Variants in ATP8B4 observed in about 807,000 individuals in gnomAD.
The protein encoded by ATP8B4 is ATPase phospholipid transporting 8B4 (putative).
In ATP8B4, 133 loss-of-function variants were observed where a neutral mutation model predicts 145.6. The observed-to-expected ratio is 0.91, with a 90% CI of 0.79 to 1.05. The LOEUF (loss-of-function observed/expected upper bound fraction) is 1.05, where lower values mean the gene tolerates loss of function less well. ATP8B4 is among the 50% of genes least tolerant of loss of function. ATP8B4 has a pLI of 0.00. For missense variants in ATP8B4, 1,458 were observed against 1,425.2 expected (o/e 1.02, Z -0.37); for synonymous variants, 507 against 492.9 (o/e 1.03, Z -0.38).
intron 14 of ATP8B4, among the ~76,000 whole-genome samples, chr15:49,947,207 C>T (rs12904852): frequency 0.38 from 57,667 of 151,808 alleles, 11,584 homozygotes; most frequent in African/African-American, 0.43. Context: ...CCAAGGTAGG[C>T]GGATCACGAA....
intron 23 of ATP8B4, among the ~76,000 whole-genome samples, chr15:49,888,153 C>G (rs747940832): frequency 3.3e-5 from 5 of 152,172 alleles, no homozygotes; most frequent in Non-Finnish European, 7.4e-5. Flanking sequence ...AAAACCCGCT[C>G]GCAGCATCCA....
intron 1 of ATP8B4, among the ~76,000 whole-genome samples, chr15:50,154,297 C>CT (rs1021049158): frequency 3.0e-4 from 45 of 152,194 alleles, no homozygotes; most frequent in African/African-American, 8.4e-4. Context: ...TAACCCATGA[C>CT]TTTTTTTACA....
intron 25 of ATP8B4, among the ~76,000 whole-genome samples, chr15:49,869,765 T>A (rs1419281280): frequency 6.6e-6 from 1 of 152,208 alleles, no homozygotes; most frequent in Non-Finnish European, 1.5e-5. Flanking sequence ...ACAACCAAGC[T>A]GTAAGGTGTA....
chr15:50,174,958 T>C (rs11637647), intron 1 of ATP8B4, among the ~76,000 whole-genome samples: 33,550 of 152,170 alleles, frequency 0.22, 4,508 homozygotes, highest in East Asian at 0.34. Flanking sequence ...CATAGATTCA[T>C]GGAACAGAAT....
intron 1 of ATP8B4, among the ~76,000 whole-genome samples, chr15:50,116,401 G>GTTC (rs2057161380): frequency 6.6e-6 from 1 of 152,186 alleles, no homozygotes; most frequent in Non-Finnish European, 1.5e-5. Context: ...GGAAAAGGAG[G>GTTC]AGAAGGTGGA....
intron 12 of ATP8B4, among the ~76,000 whole-genome samples, chr15:49,977,822 T>A (rs2045804688): frequency 6.6e-6 from 1 of 152,176 alleles, no homozygotes; most frequent in Admixed American, 6.6e-5. Context: ...TGATATTATT[T>A]GGAGAATAAA....
intron 23 of ATP8B4, among the ~76,000 whole-genome samples, chr15:49,885,085 A>G (rs1471863350): frequency 6.6e-6 from 1 of 152,190 alleles, no homozygotes; most frequent in African/African-American, 2.4e-5. Context: ...CAGACTCCCT[A>G]TTCGTCATGT....
At chr15:50,064,623 A>G (rs1412909546) in intron 3 of ATP8B4, among the ~76,000 whole-genome samples, 1 of 152,168 alleles carries the variant, frequency 6.6e-6, no homozygotes, top group Non-Finnish European at 1.5e-5. Context: ...TACTTTTGTA[A>G]TAAACCTGCA....
chr15:50,013,031 A>T (rs550587382), intron 6 of ATP8B4, among the ~76,000 whole-genome samples: 1 of 152,304 alleles, frequency 6.6e-6, no homozygotes, highest in South Asian at 2.1e-4. Flanking sequence ...AAATTTAAAT[A>T]ATCTATATTT....
intron 23 of ATP8B4, 111 bp from the exon 24 acceptor site, chr15:49,879,570 A>T (rs1052309380): frequency 1.2e-6 from 1 of 853,372 alleles, no homozygotes; most frequent in African/African-American, 1.7e-5. Flanking sequence ...TGACTTTTGG[A>T]ATCAGACAAA....
At chr15:50,163,746 G>T (rs1332472462) in intron 1 of ATP8B4, among the ~76,000 whole-genome samples, 1 of 152,184 alleles carries the variant, frequency 6.6e-6, no homozygotes, top group African/African-American at 2.4e-5. Flanking sequence ...CCCTCAGTGG[G>T]TCAAGATGCT....
intron 1 of ATP8B4, among the ~76,000 whole-genome samples, chr15:50,179,162 T>A (rs1486289104): frequency 6.6e-6 from 1 of 152,220 alleles, no homozygotes; most frequent in African/African-American, 2.4e-5. Flanking sequence ...TGGTCCATTT[T>A]AAAATATTTA....
At chr15:49,937,104 T>C (rs2041804694) in intron 14 of ATP8B4, among the ~76,000 whole-genome samples, 1 of 152,146 alleles carries the variant, frequency 6.6e-6, no homozygotes, top group African/African-American at 2.4e-5. Flanking sequence ...TTAGGTCATA[T>C]TTTTTACTGC....
intron 2 of ATP8B4, among the ~76,000 whole-genome samples, chr15:50,082,430 A>G (rs918783428): frequency 9.2e-5 from 14 of 152,210 alleles, no homozygotes; most frequent in African/African-American, 3.4e-4. Context: ...GAGCTTGGAA[A>G]CAAAGTTAGG....
At chr15:49,938,489 A>C (rs2041911233) in intron 14 of ATP8B4, among the ~76,000 whole-genome samples, 1 of 152,144 alleles carries the variant, frequency 6.6e-6, no homozygotes, top group Non-Finnish European at 1.5e-5. Context: ...ACTGTAAACC[A>C]ATAACAGTAA....
chr15:49,861,322 C>CT (rs1195875103), intron 27 of ATP8B4, among the ~76,000 whole-genome samples: 1 of 151,832 alleles, frequency 6.6e-6, no homozygotes, highest in Non-Finnish European at 1.5e-5. Context: ...ACAGATATGA[C>CT]AAGGGACTCC....
chr15:49,903,173 T>C (rs1304228991), intron 20 of ATP8B4, among the ~76,000 whole-genome samples: 1 of 152,232 alleles, frequency 6.6e-6, no homozygotes, highest in Non-Finnish European at 1.5e-5. Flanking sequence ...GCCCACGCTC[T>C]GTAGCTGTCA....
At chr15:49,928,364 A>G (rs753374767) in intron 16 of ATP8B4, among the ~76,000 whole-genome samples, 14 of 152,142 alleles carry the variant, frequency 9.2e-5, no homozygotes, top group Non-Finnish European at 1.6e-4. Flanking sequence ...GGAAAGGAGT[A>G]TTCAAGACAG....
intron 20 of ATP8B4, among the ~76,000 whole-genome samples, chr15:49,905,794 C>A (rs1352142172): frequency 6.6e-6 from 1 of 151,836 alleles, no homozygotes; most frequent in African/African-American, 2.4e-5. Flanking sequence ...AACACTATTA[C>A]AACATCAGAT....
Sources: gnomAD v4.1 joint callset for allele counts (sites outside exome capture counted in the v4.1 genomes callset) on GRCh38, gnomAD v4.1.1 for gene constraint, MANE v1.5 for transcripts, NCBI Gene and HGNC (gene_info 2026-07-23, HGNC 2026-07-21) for gene names.